The following ESR1 variants were observed in gnomAD, a reference collection of about 807,000 sequenced individuals.
ESR1 encodes the protein estrogen receptor.
ESR1 carries 12 observed loss-of-function variants against 52.7 expected under a neutral mutation model. The ratio of observed to expected loss-of-function variants is 0.23; its 90% CI spans 0.15 to 0.37. ESR1 has a LOEUF of 0.37. Ranked by LOEUF, ESR1 falls within the 10% of genes least tolerant of loss-of-function variation. The pLI, the probability that ESR1 is intolerant of heterozygous loss-of-function variation, is 1.00. For synonymous variants in ESR1, 305 were observed against 316.8 expected (o/e 0.96, Z 0.39); for missense variants, 584 against 779.7 (o/e 0.75, Z 2.99).
rs56871778 is a variant in ESR1, at chr6:151,666,696, C to CCCTCCTCCTCCT, written n.73+9969_73+9980dup. 5.9e-3 allele frequency among the ~76,000 whole-genome samples: 576 copies of CCCTCCTCCTCCT among 97,262 alleles called. 1 individual carries two copies. The highest frequency in any genetic ancestry group is 7.3e-3 in the Non-Finnish European group (340 of 46,710). 63.8% of individuals were successfully genotyped at this position (97,262 alleles called of 152,430 possible). ...CCCTATTGGTGCCTCTTCCCCATCC[C>CCCTCCTCCTCCT]CCTCCTCCTCCTCCTCCTCCTCCTC... On this transcript the variant is annotated intron_variant and non_coding_transcript_variant, in intron 1 of 2. Transcript: ENST00000473497.
At chr6:152,105,618 G>A (rs2152512321), downstream of ESR1, among the ~76,000 whole-genome samples, 1 of 151,328 alleles carries the variant, frequency 6.6e-6, no homozygotes, top group Non-Finnish European at 1.5e-5. Context: ...TAGAGACAGT[G>A]TTTCACCATG....
intron 6 of ESR1, among the ~76,000 whole-genome samples, chr6:152,109,330 T>C (rs1216666943): frequency 6.6e-6 from 1 of 152,136 alleles, no homozygotes; most frequent in Non-Finnish European, 1.5e-5. Context: ...CTATGTGCAT[T>C]AAGAAGCTAG....
rs114600913 is a variant in ESR1, at chr6:151,827,458, G to A, written c.453-15139G>A. Among the ~76,000 whole-genome samples the A allele has an allele frequency of 6.7e-3, 1,013 of 152,050 alleles. 10 individuals carry two copies. Among genetic ancestry groups the A allele is most frequent in the African/African-American group, 0.023 (935 of 41,476 alleles). On this transcript the variant is annotated intron_variant, in intron 1 of 7. Transcript: ENST00000206249. The stretch of plus-strand genomic sequence containing the variant: ...CTCTGGCTTTTACTCTGAGTGAGTC[G>A]AAAATCCAATTAAAGGTTTGAAAGA...
chr6:151,818,587 G>A (rs1352153337), intron 1 of ESR1, among the ~76,000 whole-genome samples: 4 of 152,182 alleles, frequency 2.6e-5, no homozygotes, highest in Admixed American at 2.6e-4. Context: ...GTAGTTGACA[G>A]CAGTGCAGTA....
At chr6:151,757,397 A>G (rs1784372406) in intron 2 of ESR1, among the ~76,000 whole-genome samples, 1 of 152,192 alleles carries the variant, frequency 6.6e-6, no homozygotes, top group Admixed American at 6.5e-5. Context: ...GCTTTTAAGG[A>G]CATATTAAAA....
chr6:151,815,087 G>A (rs926815134), intron 1 of ESR1, among the ~76,000 whole-genome samples: 6 of 152,138 alleles, frequency 3.9e-5, no homozygotes, highest in African/African-American at 7.2e-5. Flanking sequence ...GTGATTTTGC[G>A]GGAGTGGGGT....
At chr6:151,711,297 CTGCAAGCT>C in intron 2 of ESR1, among the ~76,000 whole-genome samples, 1 of 151,892 alleles carries the variant, frequency 6.6e-6, no homozygotes, top group South Asian at 2.1e-4. Flanking sequence ...TCTTGGCTCA[CTGCAAGCT>C]CCACCTCCCG....
exon 7 of ESR1, chr6:152,125,511 G>T (rs1484589168): frequency 2.8e-6 from 3 of 1,056,298 alleles, no homozygotes; most frequent in Non-Finnish European, 3.9e-6. Context: ...TTGCCTTAAA[G>T]TGTCTTAAGA....
intron 4 of ESR1, among the ~76,000 whole-genome samples, chr6:151,987,986 C>T (rs2040651855): frequency 6.6e-6 from 1 of 152,040 alleles, no homozygotes; most frequent in South Asian, 2.1e-4. Flanking sequence ...GAATTAAAAG[C>T]CTAAACTCAG....
intron 2 of ESR1, among the ~76,000 whole-genome samples, chr6:151,758,674 T>C (rs553424559): frequency 6.6e-6 from 1 of 151,566 alleles, no homozygotes; most frequent in South Asian, 2.1e-4. Context: ...GGCAGGAGAA[T>C]TGCTTGAACC....
At chr6:151,864,619 C>T (rs1281292416) in intron 2 of ESR1, among the ~76,000 whole-genome samples, 13 of 152,102 alleles carry the variant, frequency 8.5e-5, no homozygotes, top group African/African-American at 2.9e-4. Flanking sequence ...AATCATGCTG[C>T]TATAAAGACA....
chr6:151,832,197 T>A (rs1200538628), intron 1 of ESR1, among the ~76,000 whole-genome samples: 1 of 152,218 alleles, frequency 6.6e-6, no homozygotes. Flanking sequence ...TATTTTGTCA[T>A]GCAGGAAACA....
chr6:152,126,083 T>C (rs1333232559), exon 7 of ESR1: 1 of 152,242 alleles, frequency 6.6e-6, no homozygotes, highest in African/African-American at 2.4e-5. Context: ...GCATTTTTTA[T>C]TAAAATTTAA....
chr6:151,832,584 A>G (rs1176935109), intron 1 of ESR1, among the ~76,000 whole-genome samples: 1 of 152,192 alleles, frequency 6.6e-6, no homozygotes, highest in African/African-American at 2.4e-5. Flanking sequence ...ACAAGCATTG[A>G]TAACTGGCTT....
At position 152,094,344 on chromosome 6, in the gene ESR1, T is replaced by C. The variant is rs1262796628; in HGVS notation, c.1370-41T>C. 1 of 1,587,044 alleles carries C rather than the reference T, an allele frequency of 6.3e-7. No homozygotes were observed. The highest frequency in any genetic ancestry group is 1.3e-5 in the African/African-American group (1 of 74,486). On this transcript the variant is annotated intron_variant, in intron 6 of 7. Coordinates refer to ENST00000206249, the MANE Select transcript of ESR1 (RefSeq NM_000125.4). This position sits in a 1 kb window ranked among gnomAD's most constrained non-coding sequence, Gnocchi z 4.6. Reference sequence around the variant, plus strand: ...ACTCTGGGTCTCCTAGACCTCATCCTCTTTGAGCTTCTCTCTCTCACTCTC... The same window carrying C: ...ACTCTGGGTCTCCTAGACCTCATCCCCTTTGAGCTTCTCTCTCTCACTCTC...
At chr6:151,984,716 A>G (rs535635468) in intron 4 of ESR1, among the ~76,000 whole-genome samples, 1 of 152,276 alleles carries the variant, frequency 6.6e-6, no homozygotes, top group Admixed American at 6.5e-5. Flanking sequence ...AATTTCTTAT[A>G]GACAGATTCT....
intron 2 of ESR1, among the ~76,000 whole-genome samples, chr6:151,718,768 A>T (rs1781239748): frequency 6.6e-6 from 1 of 152,230 alleles, no homozygotes; most frequent in Admixed American, 6.5e-5. Flanking sequence ...AGTAGAGTGG[A>T]ACTCTGCTCA....
chr6:151,745,710 C>A (rs531590923), intron 2 of ESR1, among the ~76,000 whole-genome samples: 1 of 152,108 alleles, frequency 6.6e-6, no homozygotes, highest in East Asian at 1.9e-4. Context: ...TGAGGTAAAA[C>A]TAGAAGTCAT....
At chr6:151,979,345 T>A (rs1336483953) in intron 4 of ESR1, among the ~76,000 whole-genome samples, 2 of 152,198 alleles carry the variant, frequency 1.3e-5, no homozygotes, top group Non-Finnish European at 2.9e-5. Flanking sequence ...TACTTATTTT[T>A]TTTAAGAACA....
Sources: allele counts gnomAD v4.1 joint callset (sites outside exome capture counted in the v4.1 genomes callset), GRCh38; gene constraint gnomAD v4.1.1; non-coding constraint Gnocchi (gnomAD v3.1); transcripts MANE v1.5; gene names NCBI Gene and HGNC (gene_info 2026-07-23, HGNC 2026-07-21).